The following ACYP2 variants were observed in gnomAD, a reference collection of about 807,000 sequenced individuals.
The protein encoded by ACYP2 is acylphosphatase-2.
A neutral mutation model predicts 11.2 loss-of-function variants in ACYP2; 12 were observed. That is an observed-to-expected ratio of 1.08 (90% CI 0.69 to 1.74). The LOEUF (loss-of-function observed/expected upper bound fraction) is 1.74, where lower values mean the gene tolerates loss of function less well. Ranked by LOEUF, ACYP2 falls within the 40% of genes most tolerant of loss-of-function variation. The pLI, the probability that ACYP2 is intolerant of heterozygous loss-of-function variation, is 0.00. For missense variants in ACYP2, 134 were observed against 101.9 expected, an observed-to-expected ratio of 1.31 and a Z score of -1.35; for synonymous variants, 43 against 32.2, an observed-to-expected ratio of 1.33 and a Z score of -1.13.
At chr2:54,055,773 C>T (rs528005949) in intron 3 of ACYP2, among the ~76,000 whole-genome samples, 1 of 152,272 alleles carries the variant, frequency 6.6e-6, no homozygotes, top group East Asian at 1.9e-4. Flanking sequence ...GCAGAGAGAA[C>T]AATGCATCTA....
At chr2:54,222,865 C>G (rs563440230) in intron 6 of ACYP2, 9 of 152,294 alleles carry the variant, frequency 5.9e-5, no homozygotes, top group Middle Eastern at 3.4e-3. Flanking sequence ...CATACCTTCA[C>G]CAAGCATTTT....
chr2:54,233,655 T>TC (rs1268104449), intron 6 of ACYP2, among the ~76,000 whole-genome samples: 1 of 152,000 alleles, frequency 6.6e-6, no homozygotes, highest in African/African-American at 2.4e-5. Context: ...GCCCCTTCCC[T>TC]CCTACCCCTG....
chr2:54,251,997 T>C (rs766345624), intron 6 of ACYP2, among the ~76,000 whole-genome samples: 31 of 152,326 alleles, frequency 2.0e-4, no homozygotes, highest in Middle Eastern at 3.4e-3. Flanking sequence ...ACTCTGACTA[T>C]TGAGTTGTAA....
chr2:54,303,091 C>A (rs934855694), intron 6 of ACYP2, among the ~76,000 whole-genome samples: 1 of 152,170 alleles, frequency 6.6e-6, no homozygotes, highest in East Asian at 1.9e-4. Context: ...CATGGTGGCT[C>A]ACACCTGTCA....
intron 4 of ACYP2, among the ~76,000 whole-genome samples, chr2:54,126,124 A>G (rs1394782062): frequency 2.0e-5 from 3 of 152,194 alleles, no homozygotes; most frequent in Non-Finnish European, 4.4e-5. Flanking sequence ...TTTATTTGAG[A>G]AACATTTAAA....
intron 2 of ACYP2, among the ~76,000 whole-genome samples, chr2:54,007,557 TG>T (rs572681576): frequency 2.0e-5 from 3 of 151,788 alleles, no homozygotes; most frequent in African/African-American, 7.2e-5. Flanking sequence ...CAGCCTTTCA[TG>T]GTTTTTCATT....
At chr2:54,272,651 A>T (rs1357337287) in intron 6 of ACYP2, among the ~76,000 whole-genome samples, 4 of 152,236 alleles carry the variant, frequency 2.6e-5, no homozygotes, top group African/African-American at 9.6e-5. Flanking sequence ...AAGTCAGATA[A>T]GATGATCCAA....
intron 4 of ACYP2, among the ~76,000 whole-genome samples, chr2:54,070,604 A>G (rs995176388): frequency 2.5e-4 from 38 of 152,204 alleles, no homozygotes; most frequent in African/African-American, 8.4e-4. Flanking sequence ...CACTGCACCA[A>G]TTCAGCCCTC....
chr2:53,981,564 G>A (rs1232208358), intron 2 of ACYP2, among the ~76,000 whole-genome samples: 1 of 152,182 alleles, frequency 6.6e-6, no homozygotes, highest in Non-Finnish European at 1.5e-5. Flanking sequence ...AAAGAAACCA[G>A]TCAGAGATAC....
chr2:54,063,313 A>T (rs1676566745), intron 4 of ACYP2, among the ~76,000 whole-genome samples: 1 of 152,134 alleles, frequency 6.6e-6, no homozygotes, highest in South Asian at 2.1e-4. Flanking sequence ...GCCACTTATG[A>T]TAATATAGAT....
At chr2:54,036,641 T>C (rs1215909582) in intron 2 of ACYP2, among the ~76,000 whole-genome samples, 1 of 152,198 alleles carries the variant, frequency 6.6e-6, no homozygotes, top group East Asian at 1.9e-4. Context: ...TCATGGTAAG[T>C]TAGTAAAGTG....
intron 2 of ACYP2, among the ~76,000 whole-genome samples, chr2:53,980,453 C>T (rs371711066): frequency 1.5e-3 from 233 of 151,864 alleles, no homozygotes; most frequent in African/African-American, 5.4e-3. Flanking sequence ...AGCTGTGGTT[C>T]ACACCTGTAA....
rs533173333 is a variant in ACYP2 at position 54,285,747 on chromosome 2, T to G, written c.405-18941T>G. 6.6e-5 allele frequency among the ~76,000 whole-genome samples: 10 copies of G among 152,342 alleles called. No individual in the cohort carries two copies. In the East Asian group the frequency reaches 9.6e-4, roughly 15 times the overall value. On this transcript the variant is annotated intron_variant, in intron 6 of 6. Transcript: ENST00000607452. ...ATCAGAAGTATTGTGTGGCAGCTGCTAGAAAACCTTTTTAACATACTGCAA... is the reference window on the plus strand; with the variant it reads ...ATCAGAAGTATTGTGTGGCAGCTGCGAGAAAACCTTTTTAACATACTGCAA...
intron 6 of ACYP2, among the ~76,000 whole-genome samples, chr2:54,225,431 T>A (rs1477268599): frequency 6.6e-6 from 1 of 152,174 alleles, no homozygotes; most frequent in African/African-American, 2.4e-5. Context: ...AATCCTGTAA[T>A]AACACTTTTT....
intron 6 of ACYP2, among the ~76,000 whole-genome samples, chr2:54,144,906 C>G (rs1572851861): frequency 6.6e-6 from 1 of 152,042 alleles, no homozygotes; most frequent in African/African-American, 2.4e-5. Flanking sequence ...CCTCTTCTTT[C>G]TTTGTTTGTT....
chr2:54,006,372 C>A (rs998357813), intron 2 of ACYP2, among the ~76,000 whole-genome samples: 3 of 152,092 alleles, frequency 2.0e-5, no homozygotes, highest in African/African-American at 7.2e-5. Context: ...GTCTAGAACT[C>A]CTGACCTCAG....
rs996565386 is a variant in ACYP2 at position 54,002,980 on chromosome 2, C to G, written c.62+29170C>G. On this transcript the variant is annotated intron_variant, in intron 2 of 6. Coordinates refer to ENST00000607452, the MANE Select transcript of ACYP2 (RefSeq NM_001320586.2). ...TTTTATTTTTTGAGACAGAGTCTCA[C>G]TCTGTCAACCAGGCTGGAGTGCAGT... Among the ~76,000 whole-genome samples, 18 of 149,666 alleles carry G rather than the reference C, an allele frequency of 1.2e-4. 1 individual carries two copies. Among genetic ancestry groups the G allele is most frequent in the African/African-American group, 3.8e-4 (15 of 39,390 alleles).
intron 6 of ACYP2, among the ~76,000 whole-genome samples, chr2:54,140,984 A>G (rs1463063843): frequency 6.6e-6 from 1 of 152,006 alleles, no homozygotes; most frequent in African/African-American, 2.4e-5. Flanking sequence ...TGTACTCTCT[A>G]ATTTTTCTTT....
At chr2:54,013,212 C>T (rs1357465704) in intron 2 of ACYP2, among the ~76,000 whole-genome samples, 1 of 132,812 alleles carries the variant, frequency 7.5e-6, no homozygotes, top group Non-Finnish European at 1.6e-5. Flanking sequence ...TGTTCCCTTC[C>T]CCTGCCATGT....
Sources: gnomAD v4.1 joint callset for allele counts (sites outside exome capture counted in the v4.1 genomes callset) on GRCh38, gnomAD v4.1.1 for gene constraint, MANE v1.5 for transcripts, NCBI Gene and HGNC (gene_info 2026-07-23, HGNC 2026-07-21) for gene names.